GLCCI1: variants seen among roughly 807,000 people sequenced by gnomAD.
The protein encoded by GLCCI1 is glucocorticoid induced 1, also known as glucocorticoid-induced transcript 1 protein.
In GLCCI1, 24 loss-of-function variants were observed where a neutral mutation model predicts 52.2. That is an observed-to-expected ratio of 0.46 (90% CI 0.33 to 0.65). The LOEUF is 0.65. GLCCI1 is among the 30% of genes least tolerant of loss of function. The pLI is 0.02. For synonymous variants in GLCCI1, 310 were observed against 276.5 expected (o/e 1.12, Z -1.20); for missense variants, 704 against 701.5 (o/e 1.00, Z -0.04).
At chr7:8,016,558 C>T (rs187295908) in intron 2 of GLCCI1, among the ~76,000 whole-genome samples, 21 of 152,086 alleles carry the variant, frequency 1.4e-4, no homozygotes, top group African/African-American at 5.1e-4. Context: ...AAGCAGTATG[C>T]CTCTTAAGGT....
At chr7:8,033,153 A>G (rs1021811669) in intron 3 of GLCCI1, among the ~76,000 whole-genome samples, 2 of 152,052 alleles carry the variant, frequency 1.3e-5, no homozygotes, top group African/African-American at 4.8e-5. Flanking sequence ...GACATAAATT[A>G]CATAATCACC....
chr7:7,997,875 C>T (rs1458959805), intron 1 of GLCCI1, among the ~76,000 whole-genome samples: 4 of 151,132 alleles, frequency 2.6e-5, no homozygotes, highest in Non-Finnish European at 4.4e-5. Flanking sequence ...TACAGTGAGC[C>T]GAGATCATAC....
chr7:7,971,976 C>CA (rs1780362657), intron 1 of GLCCI1, among the ~76,000 whole-genome samples: 1 of 152,068 alleles, frequency 6.6e-6, no homozygotes, highest in Non-Finnish European at 1.5e-5. Context: ...GCTTCTGTGC[C>CA]CCCAGTTCCG....
At chr7:7,981,927 T>C (rs887077325) in intron 1 of GLCCI1, 1 of 453,678 alleles carries the variant, frequency 2.2e-6, no homozygotes, top group African/African-American at 2.0e-5. Context: ...AACCCATCAC[T>C]GCTCTGAAGT....
chr7:8,082,605 A>G (rs1783018361), intron 6 of GLCCI1, among the ~76,000 whole-genome samples: 1 of 152,184 alleles, frequency 6.6e-6, no homozygotes, highest in South Asian at 2.1e-4. Context: ...TTCAATTAAA[A>G]AAAATTTTTA....
intron 1 of GLCCI1, among the ~76,000 whole-genome samples, chr7:7,990,797 A>C (rs2115415779): frequency 6.6e-6 from 1 of 152,216 alleles, no homozygotes; most frequent in South Asian, 2.1e-4. Flanking sequence ...TATGAAAGTA[A>C]ATGCTAGAAT....
chr7:8,024,524 ATAT>A (rs1488684158), intron 3 of GLCCI1, among the ~76,000 whole-genome samples: 3 of 152,352 alleles, frequency 2.0e-5, no homozygotes, highest in Admixed American at 6.5e-5. Context: ...GTAACGCCAG[ATAT>A]TAATTTGAAT....
At chr7:8,060,015 A>G (rs1782478872) in intron 4 of GLCCI1, 81 bp from the exon 5 acceptor site, 19 of 1,177,680 alleles carry the variant, frequency 1.6e-5, no homozygotes, top group Non-Finnish European at 2.2e-5. Flanking sequence ...TTGAGTTTCA[A>G]TTTTAATATT....
intron 1 of GLCCI1, among the ~76,000 whole-genome samples, chr7:7,996,006 T>C (rs1780931089): frequency 6.6e-6 from 1 of 152,248 alleles, no homozygotes; most frequent in Non-Finnish European, 1.5e-5. Context: ...AAACAGTTTT[T>C]CTTTATAAAT....
At chr7:8,053,004 T>TATTA (rs1782293167) in intron 3 of GLCCI1, among the ~76,000 whole-genome samples, 1 of 107,432 alleles carries the variant, frequency 9.3e-6, no homozygotes, top group South Asian at 3.6e-4. Flanking sequence ...TTTGGTTTTG[T>TATTA]ATTATTTATT....
At chr7:8,011,510 A>G (rs770409575) in intron 2 of GLCCI1, among the ~76,000 whole-genome samples, 6 of 152,140 alleles carry the variant, frequency 3.9e-5, no homozygotes, top group Non-Finnish European at 7.3e-5. Context: ...ATTCCATTAG[A>G]TATACATACC....
chr7:8,020,017 C>G (rs1781454294), intron 2 of GLCCI1, among the ~76,000 whole-genome samples: 2 of 152,104 alleles, frequency 1.3e-5, no homozygotes, highest in South Asian at 4.1e-4. Context: ...TAATGTTAAC[C>G]TTAGCTTACC....
intron 6 of GLCCI1, among the ~76,000 whole-genome samples, chr7:8,079,391 G>A (rs939767436): frequency 4.8e-5 from 7 of 146,932 alleles, no homozygotes; most frequent in Non-Finnish European, 1.0e-4. Flanking sequence ...CTACTTTTGC[G>A]CAAGATACAA....
chr7:8,023,161 A>G (rs527380830), intron 3 of GLCCI1, among the ~76,000 whole-genome samples: 118 of 152,202 alleles, frequency 7.8e-4, no homozygotes, highest in Non-Finnish European at 1.2e-3. Context: ...GAGTACAGGC[A>G]CCCACCACCA....
At chr7:8,063,084 A>C (rs1006301041) in intron 5 of GLCCI1, among the ~76,000 whole-genome samples, 3 of 152,212 alleles carry the variant, frequency 2.0e-5, no homozygotes, top group Admixed American at 2.0e-4. Context: ...TCCCACCAGC[A>C]GTGTATAAGC....
intron 1 of GLCCI1, among the ~76,000 whole-genome samples, chr7:7,989,039 A>G (rs753788602): frequency 5.3e-5 from 8 of 152,172 alleles, no homozygotes; most frequent in Non-Finnish European, 1.2e-4. Flanking sequence ...CAAGGTCCTA[A>G]TGGAATGGTA....
At chr7:8,015,139 C>G (rs569307242) in intron 2 of GLCCI1, among the ~76,000 whole-genome samples, 1 of 152,164 alleles carries the variant, frequency 6.6e-6, no homozygotes, top group Admixed American at 6.5e-5. Flanking sequence ...TGAACTAAAA[C>G]ATATATATTC....
intron 4 of GLCCI1, among the ~76,000 whole-genome samples, chr7:8,056,344 G>A (rs1200295293): frequency 6.6e-6 from 1 of 152,126 alleles, no homozygotes; most frequent in African/African-American, 2.4e-5. Flanking sequence ...GGATGGTGGT[G>A]TCAAGGATGA....
rs571553462 is a variant in GLCCI1, at chr7:7,970,821, C to T, written c.457+1014C>T. 2.6e-5 allele frequency among the ~76,000 whole-genome samples: 4 copies of T among 152,266 alleles called. No individual in the cohort carries two copies. In the South Asian group the frequency reaches 6.2e-4, roughly 24 times the overall value. ...AATATTGTTAGATACCGAACTAGAG[C>T]TACAGATGCTGCTGCTGCATTGTGG... On this transcript the variant is annotated intron_variant, in intron 1 of 7. Transcript: ENST00000223145.
Sources: allele counts gnomAD v4.1 joint callset (sites outside exome capture counted in the v4.1 genomes callset), GRCh38; gene constraint gnomAD v4.1.1; transcripts MANE v1.5; gene names NCBI Gene and HGNC (gene_info 2026-07-23, HGNC 2026-07-21).